BRAF: variants seen among roughly 807,000 people sequenced by gnomAD.
The protein encoded by BRAF is B-Raf proto-oncogene, serine/threonine kinase, also known as serine/threonine-protein kinase B-raf.
BRAF carries 16 observed loss-of-function variants against 104.6 expected under a neutral mutation model. The observed-to-expected ratio is 0.15, with a 90% CI of 0.10 to 0.23. BRAF has a LOEUF of 0.23. Ranked by LOEUF, BRAF falls within the 10% of genes least tolerant of loss-of-function variation. The probability of loss-of-function intolerance (pLI) is 1.00; values close to 1 mark genes in which losing one functional copy is unlikely to be tolerated. For missense variants in BRAF, 541 were observed against 937.3 expected (o/e 0.58, Z 5.52); for synonymous variants, 310 against 341.6 (o/e 0.91, Z 1.02).
At chr7:140,769,072 C>G (rs887169823) in intron 14 of BRAF, among the ~76,000 whole-genome samples, 3 of 150,152 alleles carry the variant, frequency 2.0e-5, no homozygotes. Context: ...TGGACTAAAA[C>G]ACCTCCAGTC....
At chr7:140,816,013 G>A (rs117705864) in intron 3 of BRAF, among the ~76,000 whole-genome samples, 2,302 of 152,236 alleles carry the variant, frequency 0.015, 28 homozygotes, top group Middle Eastern at 0.034. Flanking sequence ...GTATTCTAAG[G>A]GGAAAAAACT....
intron 1 of BRAF, among the ~76,000 whole-genome samples, chr7:140,896,818 T>C (rs1814962156): frequency 7.2e-6 from 1 of 138,650 alleles, no homozygotes; most frequent in Non-Finnish European, 1.5e-5. Context: ...AAGCCAAGAT[T>C]GTGCCACTGT....
In BRAF at chr7:140,749,440, A is replaced by T. The variant is rs771854433; in HGVS notation, c.1981-22T>A. On this transcript the variant is annotated intron_variant, in intron 16 of 19. Coordinates refer to ENST00000644969, the MANE Select transcript of BRAF (RefSeq NM_001374258.1). ...GTGCCTGTTAGAACATACAAAGAAA[A>T]ATATTCTTCACTTCAATTGAATAAA... is the stretch of plus-strand genomic sequence containing the variant. 3 of 1,611,096 alleles carry T rather than the reference A, an allele frequency of 1.9e-6. No homozygotes were observed. The African/African-American group carries it at 4.0e-5, about 22-fold the overall frequency.
At chr7:140,770,527 CAAAAAAA>C (rs35621209) in intron 14 of BRAF, among the ~76,000 whole-genome samples, 5 of 63,586 alleles carry the variant, frequency 7.9e-5, no homozygotes, top group Admixed American at 5.5e-4. Flanking sequence ...TAAGGCCTGC[CAAAAAAA>C]AAAAAAAAAA....
chr7:140,921,801 TAA>T (rs11284205), intron 1 of BRAF, among the ~76,000 whole-genome samples: 24 of 146,338 alleles, frequency 1.6e-4, no homozygotes, highest in African/African-American at 5.4e-4. Context: ...AACTTTTATT[TAA>T]AAAAAAAAAA....
rs1448341764 is a variant in BRAF, at chr7:140,754,247, C to T, written c.1815-14G>A. 1 of 1,612,990 alleles carries T rather than the reference C, an allele frequency of 6.2e-7. No individual in the cohort carries two copies. Among genetic ancestry groups the T allele is most frequent in the East Asian group, 2.2e-5 (1 of 44,844 alleles). ...GCGTGTAAGTAACTGAAAAACAAAA[C>T]ATCATTTTAACCTGAGTAGGGCTAA... On this transcript the variant is annotated splice_polypyrimidine_tract_variant and intron_variant, in intron 14 of 19. Coordinates refer to ENST00000644969, the MANE Select transcript of BRAF (RefSeq NM_001374258.1).
intron 16 of BRAF, among the ~76,000 whole-genome samples, chr7:140,751,466 AT>A (rs1046217247): frequency 5.9e-5 from 9 of 152,122 alleles, no homozygotes; most frequent in African/African-American, 2.2e-4. Context: ...ATAGTTATTA[AT>A]TTTTCTATCA....
At chr7:140,773,136 G>A (rs1242566823) in intron 14 of BRAF, 2 of 152,016 alleles carry the variant, frequency 1.3e-5, no homozygotes, top group African/African-American at 2.4e-5. Context: ...AGATAATCTT[G>A]CATTGTATGT....
chr7:140,713,389 C>G, the BRAF span, among the ~76,000 whole-genome samples: 3 of 152,176 alleles, frequency 2.0e-5, no homozygotes, highest in Non-Finnish European at 4.4e-5. Context: ...ACCCTTTCTT[C>G]TAGTTGATCG....
At position 140,723,626 on chromosome 7, in the gene BRAF, A is replaced by G; in HGVS notation, c.*2868T>C. ...CTAGGTCCTTGACTCTAACGATGAA[A>G]AAAGTCCATCAGGAATACTACACAG... On this transcript the variant is annotated 3_prime_UTR_variant, in exon 20 of 20. Coordinates refer to ENST00000644969, the MANE Select transcript of BRAF (RefSeq NM_001374258.1). 9.5e-7 allele frequency: 1 copy of G among 1,050,082 alleles called. No homozygotes were observed. Among genetic ancestry groups the G allele is most frequent in the Non-Finnish European group, 1.1e-6 (1 of 869,798 alleles). 65.0% of individuals were successfully genotyped at this position (1,050,082 alleles called of 1,614,324 possible). A position where few individuals can be genotyped will look rare whatever the true frequency, so the allele number is the denominator to read the frequency against.
At chr7:140,885,336 T>G (rs1813445414) in intron 1 of BRAF, among the ~76,000 whole-genome samples, 1 of 152,102 alleles carries the variant, frequency 6.6e-6, no homozygotes, top group African/African-American at 2.4e-5. Flanking sequence ...ATTTTTTTTT[T>G]GCCAATTTCT....
At chr7:140,859,530 C>A (rs1810168904) in intron 1 of BRAF, among the ~76,000 whole-genome samples, 1 of 152,128 alleles carries the variant, frequency 6.6e-6, no homozygotes, top group East Asian at 1.9e-4. Context: ...CAGATGTGTT[C>A]CCCTTCACTT....
At chr7:140,729,561 C>A (rs1325767014) in intron 19 of BRAF, among the ~76,000 whole-genome samples, 1 of 152,004 alleles carries the variant, frequency 6.6e-6, no homozygotes, top group Non-Finnish European at 1.5e-5. Context: ...GTGAGCAGAT[C>A]ACCTGAGCTC....
rs1166565448 is a variant in BRAF at position 140,723,855 on chromosome 7, G to GT, written c.*2638dup. 70 of 1,045,132 alleles carry GT rather than the reference G, an allele frequency of 6.7e-5. No individual in the cohort carries two copies. The highest frequency in any genetic ancestry group is 7.8e-5 in the Non-Finnish European group (68 of 866,760). The allele number at this position is 1,045,132 out of a possible 1,614,324, so 64.7% of individuals were successfully genotyped here. On this transcript the variant is annotated 3_prime_UTR_variant, in exon 20 of 20. Coordinates refer to ENST00000644969, the MANE Select transcript of BRAF (RefSeq NM_001374258.1). Reference sequence around the variant, plus strand: ...TTTCACAAATAAGGACTTCTTCCTCGTTTTTTTAGGAGCTCAGTAAGTCTA... The same window carrying GT: ...TTTCACAAATAAGGACTTCTTCCTCGTTTTTTTTAGGAGCTCAGTAAGTCTA...
chr7:140,805,291 A>C (rs966981817), intron 5 of BRAF, among the ~76,000 whole-genome samples: 20 of 152,226 alleles, frequency 1.3e-4, no homozygotes, highest in African/African-American at 4.6e-4. Flanking sequence ...GATATAAAAC[A>C]GGTAAATGTC....
At chr7:140,914,625 G>A (rs1817374925) in intron 1 of BRAF, among the ~76,000 whole-genome samples, 1 of 151,776 alleles carries the variant, frequency 6.6e-6, no homozygotes, top group African/African-American at 2.4e-5. Flanking sequence ...TCTTTTTATG[G>A]TAAAAAAAAG....
chr7:140,893,302 T>G (rs891275361), intron 1 of BRAF, among the ~76,000 whole-genome samples: 7 of 150,648 alleles, frequency 4.6e-5, no homozygotes, highest in African/African-American at 1.7e-4. Flanking sequence ...CAGGCTGGAG[T>G]GCAGTGGCGC....
chr7:140,744,756 C>G (rs1291865837), intron 17 of BRAF, among the ~76,000 whole-genome samples: 1 of 151,964 alleles, frequency 6.6e-6, no homozygotes, highest in Non-Finnish European at 1.5e-5. Flanking sequence ...AAGAAAAGCC[C>G]CATGTCATTC....
intron 14 of BRAF, among the ~76,000 whole-genome samples, chr7:140,772,951 T>C (rs539321049): frequency 3.9e-5 from 6 of 152,300 alleles, no homozygotes; most frequent in African/African-American, 7.2e-5. Flanking sequence ...ATTTAAATAA[T>C]TGCAAAGGAC....
Sources: gnomAD v4.1 joint callset for allele counts (sites outside exome capture counted in the v4.1 genomes callset) on GRCh38, gnomAD v4.1.1 for gene constraint, MANE v1.5 for transcripts, NCBI Gene and HGNC (gene_info 2026-07-23, HGNC 2026-07-21) for gene names.